PLEKHG1: variants seen among roughly 807,000 people sequenced by gnomAD.
PLEKHG1 encodes the protein pleckstrin homology and RhoGEF domain containing G1.
PLEKHG1 carries 44 observed loss-of-function variants against 100.8 expected under a neutral mutation model. The observed-to-expected ratio is 0.44, with a 90% CI of 0.34 to 0.56. The LOEUF (loss-of-function observed/expected upper bound fraction) is 0.56, where lower values mean the gene tolerates loss of function less well. PLEKHG1 is among the 20% of genes least tolerant of loss of function. The probability of loss-of-function intolerance (pLI) is 0.01; values close to 1 mark genes in which losing one functional copy is unlikely to be tolerated. For synonymous variants in PLEKHG1, 640 were observed against 662.5 expected (o/e 0.97, Z 0.52); for missense variants, 1,545 against 1,720.9 (o/e 0.90, Z 1.81).
intron 3 of PLEKHG1, among the ~76,000 whole-genome samples, chr6:150,779,537 G>C (rs1186662811): frequency 6.6e-6 from 1 of 151,634 alleles, no homozygotes; most frequent in Non-Finnish European, 1.5e-5. Flanking sequence ...GTGGAGACAG[G>C]GTTTCACCAT....
At chr6:150,739,946 C>G (rs1351297405) in intron 2 of PLEKHG1, among the ~76,000 whole-genome samples, 1 of 152,184 alleles carries the variant, frequency 6.6e-6, no homozygotes, top group African/African-American at 2.4e-5. Context: ...ACATTGAAAG[C>G]TATTCTCCCC....
intron 1 of PLEKHG1, among the ~76,000 whole-genome samples, chr6:150,727,670 CAGTA>C (rs1205977950): frequency 2.0e-5 from 3 of 152,084 alleles, no homozygotes; most frequent in African/African-American, 7.2e-5. Context: ...TTGTGCGACT[CAGTA>C]AGTCTCTAAG....
chr6:150,647,961 CTA>C (rs889675091), intron 2 of PLEKHG1, among the ~76,000 whole-genome samples: 26 of 151,996 alleles, frequency 1.7e-4, no homozygotes, highest in African/African-American at 6.3e-4. Flanking sequence ...AATTTCCTGA[CTA>C]GATGATGCTT....
intron 2 of PLEKHG1, among the ~76,000 whole-genome samples, chr6:150,761,106 T>TC (rs1424353186): frequency 4.3e-5 from 6 of 141,130 alleles, no homozygotes; most frequent in African/African-American, 5.3e-5. Context: ...TTTCTTTTTT[T>TC]TTTTTTTTTT....
intron 1 of PLEKHG1, among the ~76,000 whole-genome samples, chr6:150,613,289 C>T (rs753772240): frequency 2.6e-5 from 4 of 152,188 alleles, no homozygotes; most frequent in Non-Finnish European, 5.9e-5. Flanking sequence ...AACATGCAAA[C>T]GCCTGCACCT....
At chr6:150,692,543 A>G (rs1038387179) in intron 3 of PLEKHG1, among the ~76,000 whole-genome samples, 10 of 152,104 alleles carry the variant, frequency 6.6e-5, no homozygotes, top group Admixed American at 1.3e-4. Flanking sequence ...CTTGACCTCA[A>G]AAAAAGCATA....
intron 14 of PLEKHG1, among the ~76,000 whole-genome samples, chr6:150,829,998 A>G (rs1776823345): frequency 1.3e-5 from 2 of 152,216 alleles, no homozygotes; most frequent in Non-Finnish European, 2.9e-5. Flanking sequence ...ATATTAATTT[A>G]TGCAATGAAT....
intron 3 of PLEKHG1, among the ~76,000 whole-genome samples, chr6:150,784,773 A>G (rs1785514461): frequency 6.6e-6 from 1 of 152,204 alleles, no homozygotes; most frequent in Non-Finnish European, 1.5e-5. Flanking sequence ...AAGAAAAAAA[A>G]AGAGAAACAA....
intron 2 of PLEKHG1, among the ~76,000 whole-genome samples, chr6:150,641,350 T>G (rs940689485): frequency 2.0e-5 from 3 of 152,204 alleles, no homozygotes; most frequent in Non-Finnish European, 4.4e-5. Context: ...ATCTGTGAAG[T>G]TCAGACTCTA....
At chr6:150,706,992 CTTTTTCTTTTTTT>C (rs1781043935) in intron 3 of PLEKHG1, among the ~76,000 whole-genome samples, 1 of 58,496 alleles carries the variant, frequency 1.7e-5, no homozygotes, top group South Asian at 6.6e-4. Context: ...TTTTCTTTTT[CTTTTTCTTTTTTT>C]TTTTTTTTTT....
intron 3 of PLEKHG1, among the ~76,000 whole-genome samples, chr6:150,698,117 T>A (rs1362507220): frequency 6.6e-6 from 1 of 152,222 alleles, no homozygotes; most frequent in South Asian, 2.1e-4. Context: ...TAATGAGATA[T>A]TTGGGGGATG....
rs968561747 is a variant in PLEKHG1 at position 150,678,454 on chromosome 6, G to C, written c.-99+27668G>C. On this transcript the variant is annotated intron_variant, in intron 3 of 3. Transcript: ENST00000367326. Reference sequence around the variant, plus strand: ...AAGCAGGAATTGTTTCACTAGATCTGTGTTAACTTCAGATGCCCTAGGAAA... The same window carrying C: ...AAGCAGGAATTGTTTCACTAGATCTCTGTTAACTTCAGATGCCCTAGGAAA... Among the ~76,000 whole-genome samples, 6 of 152,234 alleles carry C rather than the reference G, an allele frequency of 3.9e-5. No homozygotes were observed. The South Asian group carries it at 1.0e-3, about 26-fold the overall frequency.
At chr6:150,801,569 C>G (rs1786710152) in intron 6 of PLEKHG1, among the ~76,000 whole-genome samples, 1 of 151,540 alleles carries the variant, frequency 6.6e-6, no homozygotes, top group South Asian at 2.1e-4. Flanking sequence ...TCCTGAGTAC[C>G]TGGGGCTCTA....
chr6:150,835,182 T>C (rs953632570), intron 15 of PLEKHG1, among the ~76,000 whole-genome samples: 1 of 152,160 alleles, frequency 6.6e-6, no homozygotes, highest in Non-Finnish European at 1.5e-5. Flanking sequence ...CCAGGTCCAG[T>C]TGCTCCCATA....
chr6:150,831,953 G>A lies in PLEKHG1; in HGVS notation c.2842G>A (p.Asp948Asn), dbSNP rs146891218. 6.4e-5 allele frequency: 103 copies of A among 1,613,526 alleles called. 1 individual carries two copies. In the African/African-American group the frequency reaches 7.6e-4, roughly 12 times the overall value. ...AATGCCCCTCATGGACAATCCCTAC[G>A]ACCTGGCCAACAGTGGCCTGTCTCA... The change falls in exon 15 of 16, where the codon GAC (aspartate) becomes AAC (asparagine). Residue 948 changes from aspartate (D) to asparagine (N), a missense_variant. Physicochemically the swap from Asp to Asn is conservative, Grantham distance 23 (BLOSUM62 1). Transcript: ENST00000358517. This position sits in a 1 kb window ranked among gnomAD's most constrained non-coding sequence, Gnocchi z 4.1.
chr6:150,643,083 CA>C (rs1352076870), intron 2 of PLEKHG1, among the ~76,000 whole-genome samples: 1 of 152,162 alleles, frequency 6.6e-6, no homozygotes, highest in Non-Finnish European at 1.5e-5. Flanking sequence ...GTATGAAAAA[CA>C]GAGAGACATA....
chr6:150,674,089 T>C (rs1347897621), intron 3 of PLEKHG1, among the ~76,000 whole-genome samples: 3 of 152,212 alleles, frequency 2.0e-5, no homozygotes, highest in African/African-American at 4.8e-5. Context: ...AATCTTTGAA[T>C]GTGTATCAGC....
Position 150,674,676 on chromosome 6 carries a change from TCTCTCTCC to T in PLEKHG1, c.-99+23892_-99+23899del, listed in dbSNP as rs1441403137. Among the ~76,000 whole-genome samples the T allele has an allele frequency of 3.2e-3, 450 of 141,124 alleles. 17 individuals carry two copies. The highest frequency in any genetic ancestry group is 9.7e-3 in the African/African-American group (354 of 36,680). The allele number at this position is 141,124 out of a possible 152,430, so 92.6% of individuals were successfully genotyped here. ...CTCTCTCTCTCTCTCTCTCTCTCTCTCTCTCTCCCCCCTCTTCTCTTCTTTCCATGGAG... is the reference window on the plus strand; with the variant it reads ...CTCTCTCTCTCTCTCTCTCTCTCTCTCCCCTCTTCTCTTCTTTCCATGGAG... On this transcript the variant is annotated intron_variant, in intron 3 of 3. Transcript: ENST00000367326.
intron 12 of PLEKHG1, among the ~76,000 whole-genome samples, chr6:150,820,252 A>T (rs1441538463): frequency 6.6e-6 from 1 of 151,996 alleles, no homozygotes; most frequent in East Asian, 1.9e-4. Flanking sequence ...CCCAGTGACT[A>T]TCAAGCATGC....
Sources: allele counts gnomAD v4.1 joint callset (sites outside exome capture counted in the v4.1 genomes callset), GRCh38; gene constraint gnomAD v4.1.1; non-coding constraint Gnocchi (gnomAD v3.1); transcripts MANE v1.5; gene names NCBI Gene and HGNC (gene_info 2026-07-23, HGNC 2026-07-21).